Variants in VPS13D observed in about 807,000 individuals in gnomAD.
The protein encoded by VPS13D is intermembrane lipid transfer protein VPS13D.
In VPS13D, 187 loss-of-function variants were observed where a neutral mutation model predicts 461.9. The observed-to-expected ratio is 0.40, with a 90% confidence interval of 0.36 to 0.46. VPS13D has a LOEUF of 0.46. Among genes scored for constraint, VPS13D ranks in the 20% least tolerant of loss-of-function variants. VPS13D has a pLI of 0.60. For missense variants in VPS13D, 4,711 were observed against 5,364.9 expected (o/e 0.88, Z 3.81); for synonymous variants, 1,951 against 1,986.3 (o/e 0.98, Z 0.47).
chr1:12,362,868 G>A lies in VPS13D; in HGVS notation c.10272+18G>A, dbSNP rs1643971200. 6 of 1,613,906 alleles carry A rather than the reference G, an allele frequency of 3.7e-6. No homozygotes were observed. Among genetic ancestry groups the A allele is most frequent in the Non-Finnish European group, 5.1e-6 (6 of 1,179,938 alleles). ...GGGGACAGGTGAGCAGTTTGCTTTT[G>A]AAGGATGAGAGTGCCTATTTAATAG... On this transcript the variant is annotated intron_variant, in intron 51 of 69. Transcript: ENST00000620676.
chr1:12,425,877 A>G (rs997691308), intron 65 of VPS13D, among the ~76,000 whole-genome samples: 2 of 152,248 alleles, frequency 1.3e-5, no homozygotes, highest in African/African-American at 4.8e-5. Context: ...CCTCCACACA[A>G]TGCAACTTCT....
intron 34 of VPS13D, 81 bp downstream of exon 34, chr1:12,322,827 A>T (rs539872201): frequency 9.6e-5 from 112 of 1,170,980 alleles, no homozygotes; most frequent in Non-Finnish European, 1.2e-4. Context: ...CTTTTGCACA[A>T]CTAAATTGTA....
At chr1:12,416,215 C>T (rs1198776226) in intron 64 of VPS13D, among the ~76,000 whole-genome samples, 1 of 152,142 alleles carries the variant, frequency 6.6e-6, no homozygotes, top group African/African-American at 2.4e-5. Context: ...TGATAAGTCT[C>T]TCCATGCCTT....
chr1:12,346,534 G>A (rs1643680399), intron 43 of VPS13D, 71 bp from the exon 44 acceptor site: 2 of 1,512,128 alleles, frequency 1.3e-6, no homozygotes, highest in East Asian at 4.6e-5. Context: ...AGAAAATTAT[G>A]TTGTCATTGA....
rs994726381 is a variant in VPS13D at position 12,276,691 on chromosome 1, C to T, written c.3103C>T (p.Leu1035Phe). ...NLSFDIPTGS[L>F]RDSRAQSPVS... ...GAGCTTTGATATTCCAACGGGAAGC[C>T]TTCGGGATAGCAGGGCCCAGTCTCC... Residue 1035 changes from leucine (L) to phenylalanine (F), a missense_variant, in exon 19 of 70, where the codon CTT becomes TTT. Coordinates refer to ENST00000620676, the MANE Select transcript of VPS13D (RefSeq NM_015378.4). The surrounding 1 kb of genome is among the most constrained non-coding windows in gnomAD (Gnocchi z 4.5). 1 of 1,614,150 alleles carries T rather than the reference C, an allele frequency of 6.2e-7. No individual in the cohort carries two copies. Among genetic ancestry groups the T allele is most frequent in the Non-Finnish European group, 8.5e-7 (1 of 1,180,038 alleles).
chr1:12,404,449 G>T (rs2101688405), intron 63 of VPS13D, among the ~76,000 whole-genome samples: 1 of 152,216 alleles, frequency 6.6e-6, no homozygotes, highest in East Asian at 1.9e-4. Flanking sequence ...TGTCTACTAG[G>T]AGTGTTTAAA....
At chr1:12,270,882 A>AT (rs527487352) in intron 16 of VPS13D, 112 bp from the exon 17 acceptor site, 43,410 of 1,058,012 alleles carry the variant, frequency 0.041, no homozygotes, top group Non-Finnish European at 0.044. Flanking sequence ...GCCCAGCCTG[A>AT]TTTTTTTTTT....
At chr1:12,416,314 G>A (rs986368428) in intron 64 of VPS13D, among the ~76,000 whole-genome samples, 5 of 152,122 alleles carry the variant, frequency 3.3e-5, no homozygotes, top group Non-Finnish European at 7.4e-5. Flanking sequence ...TCTCCCTGCT[G>A]GTGATTACTT....
intron 52 of VPS13D, among the ~76,000 whole-genome samples, chr1:12,364,728 A>G (rs1470811938): frequency 6.6e-6 from 1 of 152,164 alleles, no homozygotes; most frequent in Non-Finnish European, 1.5e-5. Flanking sequence ...TGTGGTTTAG[A>G]TTCTTATTTC....
chr1:12,308,339 A>G (rs1569864828), intron 26 of VPS13D, 92 bp from the exon 27 acceptor site: 1 of 1,355,712 alleles, frequency 7.4e-7, no homozygotes, highest in Non-Finnish European at 1.0e-6. Flanking sequence ...ATTTTCAAAG[A>G]CAGAATGAGC....
At chr1:12,412,807 C>A (rs900628874) in intron 63 of VPS13D, among the ~76,000 whole-genome samples, 4 of 152,162 alleles carry the variant, frequency 2.6e-5, no homozygotes, top group African/African-American at 9.6e-5. Context: ...GGCAGATTTC[C>A]TTAAAATTAA....
intron 67 of VPS13D, among the ~76,000 whole-genome samples, chr1:12,487,287 A>T (rs894599159): frequency 2.0e-4 from 30 of 152,278 alleles, no homozygotes; most frequent in African/African-American, 7.2e-4. Context: ...TAAAACCTCC[A>T]GGCTGAGTGA....
chr1:12,285,094 T>C (rs921894355), intron 21 of VPS13D, among the ~76,000 whole-genome samples: 1 of 152,202 alleles, frequency 6.6e-6, no homozygotes, highest in African/African-American at 2.4e-5. Context: ...ACTGGATAAG[T>C]GTTCCTCAAC....
At position 12,354,103 on chromosome 1, in the gene VPS13D, C is replaced by T; in HGVS notation, c.9561C>T (p.Cys3187=). 1 of 1,614,182 alleles carries T rather than the reference C, an allele frequency of 6.2e-7. No homozygotes were observed. Among genetic ancestry groups the T allele is most frequent in the Non-Finnish European group, 8.5e-7 (1 of 1,180,036 alleles). Residue 3187 remains cysteine (C), a synonymous_variant, in exon 47 of 70, where the codon TGC becomes TGT. Transcript: ENST00000620676. ...ATCTCCTGCCAACTGTGGTAATCTG[C>T]AACTTGCTACCCTGTGAACTTGATT... is the stretch of plus-strand genomic sequence containing the variant. ...TIYLLPTVVI[C]NLLPCELDFY...
At chr1:12,238,151 CAAA>C (rs1185807017) in intron 2 of VPS13D, among the ~76,000 whole-genome samples, 4 of 98,118 alleles carry the variant, frequency 4.1e-5, no homozygotes, top group Non-Finnish European at 4.2e-5. Flanking sequence ...GACCCTGTCT[CAAA>C]AAAAAAAAAA....
chr1:12,381,973 T>A (rs1644285230), intron 57 of VPS13D, among the ~76,000 whole-genome samples: 1 of 143,024 alleles, frequency 7.0e-6, no homozygotes, highest in Non-Finnish European at 1.5e-5. Flanking sequence ...TTTCTTTCTT[T>A]CTTTCTTTCT....
intron 65 of VPS13D, among the ~76,000 whole-genome samples, chr1:12,445,688 C>T (rs1029996293): frequency 6.6e-6 from 1 of 151,958 alleles, no homozygotes; most frequent in Non-Finnish European, 1.5e-5. Context: ...TATTTTAGCC[C>T]ATCTGAAAAA....
At chr1:12,491,876 C>T (rs1032984806) in intron 67 of VPS13D, among the ~76,000 whole-genome samples, 2 of 152,230 alleles carry the variant, frequency 1.3e-5, no homozygotes, top group African/African-American at 4.8e-5. Context: ...CAGCTGAGGG[C>T]TTAACATGGC....
rs528724239 is a variant in VPS13D at position 12,433,030 on chromosome 1, C to A, written c.12333+16203C>A. On this transcript the variant is annotated intron_variant, in intron 65 of 69. Transcript: ENST00000620676. ...CTTAGTACCTTAGTACCTTTTCTCT[C>A]CTGGTAACTTAGAATGGAAGCCCCA... is the stretch of plus-strand genomic sequence containing the variant. Among the ~76,000 whole-genome samples the A allele has an allele frequency of 1.6e-3, 243 of 152,298 alleles. 1 individual carries two copies. The highest frequency in any genetic ancestry group is 5.7e-3 in the African/African-American group (238 of 41,574).
Sources: gnomAD v4.1 joint callset for allele counts (sites outside exome capture counted in the v4.1 genomes callset) on GRCh38, gnomAD v4.1.1 for gene constraint, Gnocchi (gnomAD v3.1) non-coding constraint, MANE v1.5 for transcripts, NCBI Gene and HGNC (gene_info 2026-07-23, HGNC 2026-07-21) for gene names.